Variants in WWOX observed in about 807,000 individuals in gnomAD.
WWOX encodes the protein WW domain-containing oxidoreductase.
In WWOX, 69 loss-of-function variants were observed where a neutral mutation model predicts 46.2. The ratio of observed to expected loss-of-function variants is 1.49; its 90% CI spans 1.23 to 1.82. The LOEUF is 1.82. WWOX is among the 40% of genes most tolerant of loss of function. WWOX has a pLI of 0.00. For missense variants in WWOX, 919 were observed against 542.6 expected, an observed-to-expected ratio of 1.69 and a Z score of -6.89; for synonymous variants, 359 against 202.6, an observed-to-expected ratio of 1.77 and a Z score of -6.56.
At chr16:78,467,764 A>G (rs987388426) in intron 8 of WWOX, among the ~76,000 whole-genome samples, 2 of 152,226 alleles carry the variant, frequency 1.3e-5, no homozygotes, top group Non-Finnish European at 2.9e-5. Context: ...TGAATTAGAC[A>G]TTATAGCACT....
intron 4 of WWOX, among the ~76,000 whole-genome samples, chr16:78,155,078 T>C (rs991906428): frequency 1.3e-5 from 2 of 152,086 alleles, no homozygotes; most frequent in African/African-American, 2.4e-5. Context: ...GGTGTAAGCT[T>C]TTTCAGAGAA....
chr16:78,253,732 G>A (rs115919801), intron 5 of WWOX, among the ~76,000 whole-genome samples: 2,634 of 152,288 alleles, frequency 0.017, 67 homozygotes, highest in African/African-American at 0.056. Context: ...TAGTTTTAAA[G>A]AGTCTTAGAG....
At chr16:78,410,568 G>C (rs2082655785) in intron 6 of WWOX, among the ~76,000 whole-genome samples, 1 of 152,020 alleles carries the variant, frequency 6.6e-6, no homozygotes, top group South Asian at 2.1e-4. Context: ...ACAGCACTTT[G>C]GGAGGTCGAG....
chr16:78,568,207 C>T lies in WWOX; in HGVS notation c.1056+135455C>T, dbSNP rs527686380. Among the ~76,000 whole-genome samples the T allele has an allele frequency of 9.9e-5, 15 of 152,206 alleles. No individual in the cohort carries two copies. The South Asian group carries it at 2.1e-3, about 21-fold the overall frequency. ...TCTGAAAAACTCTTCTGAACAACAT[C>T]GGCTGTGCATAGTAACTGCCTTGAG... is the stretch of plus-strand genomic sequence containing the variant. On this transcript the variant is annotated intron_variant, in intron 8 of 8. Coordinates refer to ENST00000566780, the MANE Select transcript of WWOX (RefSeq NM_016373.4).
chr16:78,315,896 ACT>A (rs2080347806), intron 5 of WWOX, among the ~76,000 whole-genome samples: 1 of 151,542 alleles, frequency 6.6e-6, no homozygotes, highest in Admixed American at 6.6e-5. Flanking sequence ...GTATTTAACT[ACT>A]CTCCTCGTGT....
intron 8 of WWOX, chr16:79,016,812 C>A (rs1220497112): frequency 6.6e-6 from 1 of 152,250 alleles, no homozygotes; most frequent in Non-Finnish European, 1.5e-5. Flanking sequence ...ATGACCTCAA[C>A]TACTGCTTTT....
intron 5 of WWOX, among the ~76,000 whole-genome samples, chr16:78,172,812 A>C (rs2035206361): frequency 6.6e-6 from 1 of 152,170 alleles, no homozygotes; most frequent in Admixed American, 6.5e-5. Flanking sequence ...GTTCTTATTA[A>C]GCAATTTTGA....
intron 8 of WWOX, among the ~76,000 whole-genome samples, chr16:78,713,789 T>A (rs1461898368): frequency 1.3e-5 from 2 of 152,172 alleles, no homozygotes; most frequent in African/African-American, 4.8e-5. Flanking sequence ...AGCCACCTAG[T>A]CTGTCACATT....
At chr16:78,613,229 C>G (rs983827215) in intron 8 of WWOX, among the ~76,000 whole-genome samples, 2 of 152,168 alleles carry the variant, frequency 1.3e-5, no homozygotes, top group African/African-American at 4.8e-5. Context: ...GTCCCATTTC[C>G]TGACATTCCC....
chr16:78,911,509 C>A (rs1597139788), intron 8 of WWOX, among the ~76,000 whole-genome samples: 1 of 151,852 alleles, frequency 6.6e-6, no homozygotes, highest in African/African-American at 2.4e-5. Flanking sequence ...GAGAAATGGA[C>A]AATTCTTTTG....
At chr16:78,556,261 TAAAA>T (rs879764844) in intron 8 of WWOX, among the ~76,000 whole-genome samples, 1 of 126,888 alleles carries the variant, frequency 7.9e-6, no homozygotes. Flanking sequence ...CCTCCTCCTC[TAAAA>T]AAAAAAAAAA....
intron 8 of WWOX, among the ~76,000 whole-genome samples, chr16:78,575,046 T>C (rs184621786): frequency 6.0e-4 from 5 of 8,378 alleles, no homozygotes; most frequent in African/African-American, 1.9e-3. Flanking sequence ...TATATATATA[T>C]ATATATATAT....
chr16:78,246,807 T>A (rs1199399122), intron 5 of WWOX, among the ~76,000 whole-genome samples: 1 of 152,116 alleles, frequency 6.6e-6, no homozygotes, highest in Admixed American at 6.5e-5. Flanking sequence ...GAGTGATGGG[T>A]GCTTGCCTGG....
intron 8 of WWOX, among the ~76,000 whole-genome samples, chr16:79,076,469 A>G (rs548806786): frequency 6.6e-6 from 1 of 152,338 alleles, no homozygotes; most frequent in East Asian, 1.9e-4. Context: ...ACAGCATTCA[A>G]AAAAATGCTG....
chr16:78,425,122 T>C, intron 7 of WWOX, 67 bp downstream of exon 7: 1 of 1,596,858 alleles, frequency 6.3e-7, no homozygotes, highest in Non-Finnish European at 8.6e-7. Flanking sequence ...CCCCCAAGGC[T>C]CTCATTCTGA....
intron 5 of WWOX, among the ~76,000 whole-genome samples, chr16:78,382,833 C>T (rs960330221): frequency 5.3e-5 from 8 of 152,004 alleles, no homozygotes; most frequent in African/African-American, 1.7e-4. Flanking sequence ...AAACGCATCT[C>T]AAGTTGTGTT....
chr16:78,383,061 A>G (rs531133276), intron 5 of WWOX, among the ~76,000 whole-genome samples: 1 of 150,764 alleles, frequency 6.6e-6, no homozygotes, highest in East Asian at 2.0e-4. Context: ...GATCTTAGGC[A>G]TACTGGATCA....
At chr16:79,190,214 A>G (rs966981844) in intron 8 of WWOX, among the ~76,000 whole-genome samples, 2 of 152,024 alleles carry the variant, frequency 1.3e-5, no homozygotes, top group Non-Finnish European at 1.5e-5. Flanking sequence ...TAGTAAAGAC[A>G]GGGTTTCACC....
chr16:78,755,493 G>A lies in WWOX; in HGVS notation c.1056+322741G>A, dbSNP rs536953396. 2.2e-3 allele frequency among the ~76,000 whole-genome samples: 339 copies of A among 152,252 alleles called. 2 individuals carry two copies. The highest frequency in any genetic ancestry group is 7.7e-3 in the African/African-American group (318 of 41,544). ...ATGATGATGAGGGAGGAACAAAGAT[G>A]TTCTTGAGTCAGTACCTGCCAGAGT... is the stretch of plus-strand genomic sequence containing the variant. On this transcript the variant is annotated intron_variant, in intron 8 of 8. Coordinates refer to ENST00000566780, the MANE Select transcript of WWOX (RefSeq NM_016373.4).
Sources: allele counts gnomAD v4.1 joint callset (sites outside exome capture counted in the v4.1 genomes callset), GRCh38; gene constraint gnomAD v4.1.1; transcripts MANE v1.5; gene names NCBI Gene and HGNC (gene_info 2026-07-23, HGNC 2026-07-21).